SEMA3C: variants seen among roughly 807,000 people sequenced by gnomAD.
The protein encoded by SEMA3C is semaphorin-3C.
In SEMA3C, 47 loss-of-function variants were observed where a neutral mutation model predicts 89.4. The ratio of observed to expected loss-of-function variants is 0.53; its 90% CI spans 0.42 to 0.67. The LOEUF is 0.67. Among genes scored for constraint, SEMA3C ranks in the 30% least tolerant of loss-of-function variants. SEMA3C has a pLI of 0.00. For synonymous variants in SEMA3C, 310 were observed against 320.2 expected (o/e 0.97, Z 0.34); for missense variants, 839 against 929.1 (o/e 0.90, Z 1.26).
intron 13 of SEMA3C, among the ~76,000 whole-genome samples, chr7:80,764,074 T>C (rs1261343735): frequency 2.0e-5 from 3 of 152,196 alleles, no homozygotes; most frequent in Admixed American, 1.3e-4. Context: ...ATTACCTAAA[T>C]CTAACAGCAC....
intron 12 of SEMA3C, among the ~76,000 whole-genome samples, chr7:80,788,032 G>C (rs976101135): frequency 2.0e-5 from 3 of 152,142 alleles, no homozygotes; most frequent in Non-Finnish European, 4.4e-5. Context: ...ATTCAGATAT[G>C]GGGTTTTCAA....
intron 13 of SEMA3C, among the ~76,000 whole-genome samples, chr7:80,763,416 T>C (rs1816473977): frequency 6.6e-6 from 1 of 152,160 alleles, no homozygotes; most frequent in Non-Finnish European, 1.5e-5. Context: ...GACTTGGCCA[T>C]ATCAATCACT....
chr7:80,847,369 T>C (rs1440116990), intron 2 of SEMA3C: 3 of 152,158 alleles, frequency 2.0e-5, no homozygotes, highest in African/African-American at 7.2e-5. Context: ...TAAGAGTAAA[T>C]TTCCAGGTAA....
intron 2 of SEMA3C, among the ~76,000 whole-genome samples, chr7:80,890,671 C>T (rs2116146962): frequency 6.6e-6 from 1 of 152,218 alleles, no homozygotes; most frequent in Middle Eastern, 3.4e-3. Flanking sequence ...TCCAAAAATA[C>T]CCAAGAAGAA....
intron 5 of SEMA3C, among the ~76,000 whole-genome samples, chr7:80,811,471 A>C (rs963369547): frequency 1.3e-5 from 2 of 152,168 alleles, no homozygotes; most frequent in East Asian, 1.9e-4. Context: ...TAGCCTCACC[A>C]AGAAGAAATA....
intron 11 of SEMA3C, among the ~76,000 whole-genome samples, chr7:80,796,955 A>G (rs1317133767): frequency 1.3e-5 from 2 of 152,186 alleles, no homozygotes; most frequent in Non-Finnish European, 2.9e-5. Flanking sequence ...GGAGCAAACA[A>G]TATTGCAAAT....
intron 2 of SEMA3C, among the ~76,000 whole-genome samples, chr7:80,876,602 C>A (rs561136853): frequency 6.6e-6 from 1 of 151,988 alleles, no homozygotes; most frequent in Non-Finnish European, 1.5e-5. Flanking sequence ...AGTGTGTTCC[C>A]AAATAATGAG....
chr7:80,912,844 C>T (rs116294586), intron 2 of SEMA3C, among the ~76,000 whole-genome samples: 7 of 152,112 alleles, frequency 4.6e-5, no homozygotes, highest in Non-Finnish European at 8.8e-5. Flanking sequence ...TTTCAACAAA[C>T]GTGCCTTGTA....
Position 80,806,441 on chromosome 7 carries a change from T to C in SEMA3C, c.539-683A>G, listed in dbSNP as rs550451015. ...CACTAAAAGTACATATTTTGATCTT[T>C]AGTGCTAGAAGTTTCCTGGTAAGGT... is the stretch of plus-strand genomic sequence containing the variant. On this transcript the variant is annotated intron_variant, in intron 6 of 17. Coordinates refer to ENST00000265361, the MANE Select transcript of SEMA3C (RefSeq NM_006379.5). Among the ~76,000 whole-genome samples the C allele has an allele frequency of 5.9e-5, 9 of 152,300 alleles. No individual in the cohort carries two copies. In the East Asian group the frequency reaches 1.7e-3, roughly 29 times the overall value.
At chr7:80,872,288 C>T (rs960073890) in intron 2 of SEMA3C, among the ~76,000 whole-genome samples, 4 of 151,886 alleles carry the variant, frequency 2.6e-5, no homozygotes, top group African/African-American at 7.3e-5. Context: ...GTAGCTGGGA[C>T]TACAGGCACG....
intron 15 of SEMA3C, among the ~76,000 whole-genome samples, chr7:80,754,957 G>GTTTTTTTTTTGTTTTTTGTTTTT (rs1449995090): frequency 9.2e-6 from 1 of 108,368 alleles, no homozygotes; most frequent in Admixed American, 1.0e-4. Flanking sequence ...GTTTTTTTTT[G>GTTTTTTTTTTGTTTTTTGTTTTT]TTTTTTTTTT....
chr7:80,857,566 C>T (rs1001252716), intron 2 of SEMA3C, among the ~76,000 whole-genome samples: 2 of 151,922 alleles, frequency 1.3e-5, no homozygotes, highest in Non-Finnish European at 2.9e-5. Context: ...AATTAGTAGC[C>T]ATAAAGTGCT....
chr7:80,863,753 CATAT>C (rs546605613), intron 2 of SEMA3C, among the ~76,000 whole-genome samples: 3 of 132,186 alleles, frequency 2.3e-5, no homozygotes, highest in African/African-American at 6.2e-5. Flanking sequence ...AGTATTCCAT[CATAT>C]ATATAGTAGT....
intron 5 of SEMA3C, among the ~76,000 whole-genome samples, chr7:80,814,348 T>C (rs542539545): frequency 6.6e-6 from 1 of 152,086 alleles, no homozygotes; most frequent in South Asian, 2.1e-4. Flanking sequence ...TCGGCCTCCC[T>C]AAGTGCTGTG....
intron 15 of SEMA3C, among the ~76,000 whole-genome samples, chr7:80,754,176 A>T (rs1788001983): frequency 6.6e-6 from 1 of 152,144 alleles, no homozygotes; most frequent in Non-Finnish European, 1.5e-5. Flanking sequence ...ACCTCAGGCA[A>T]TCCGCCTGCC....
intron 2 of SEMA3C, among the ~76,000 whole-genome samples, chr7:80,881,762 T>TAGGG (rs1180179245): frequency 3.3e-5 from 5 of 152,164 alleles, no homozygotes; most frequent in Admixed American, 6.5e-5. Context: ...AACCCATTAG[T>TAGGG]AGGGCCTCTA....
At chr7:80,829,881 AAG>A (rs1179171946) in intron 2 of SEMA3C, among the ~76,000 whole-genome samples, 1 of 152,204 alleles carries the variant, frequency 6.6e-6, no homozygotes, top group Non-Finnish European at 1.5e-5. Flanking sequence ...AACTCTAAGA[AAG>A]AGTCTGCTTT....
intron 2 of SEMA3C, among the ~76,000 whole-genome samples, chr7:80,843,113 A>AG (rs1183787040): frequency 4.6e-5 from 7 of 152,160 alleles, no homozygotes; most frequent in Non-Finnish European, 7.4e-5. Flanking sequence ...GTTAGATAGA[A>AG]GTAATAAGTT....
In SEMA3C at chr7:80,798,212, C is replaced by T. The variant is rs772178637; in HGVS notation, c.1011G>A (p.Val337=). 1 of 1,500,624 alleles carries T rather than the reference C, an allele frequency of 6.7e-7. No individual in the cohort carries two copies. Among genetic ancestry groups the T allele is most frequent in the Admixed American group, 2.4e-5 (1 of 40,912 alleles). 93.0% of individuals were successfully genotyped at this position (1,500,624 alleles called of 1,614,324 possible). Residue 337 remains valine (V), a synonymous_variant, in exon 11 of 18, where the codon GTG becomes GTA. Coordinates refer to ENST00000265361, the MANE Select transcript of SEMA3C (RefSeq NM_006379.5). ...GTATATCAGATAAATGATACACACA[C>T]ACGGCTGATCCTTTGAAAACTGAGC... ...TSSSVFKGSA[V]CVYHLSDIQT...
Sources: gnomAD v4.1 joint callset for allele counts (sites outside exome capture counted in the v4.1 genomes callset) on GRCh38, gnomAD v4.1.1 for gene constraint, MANE v1.5 for transcripts, NCBI Gene and HGNC (gene_info 2026-07-23, HGNC 2026-07-21) for gene names.